Variants in KIRREL3 observed in about 807,000 individuals in gnomAD.
The protein encoded by KIRREL3 is kin of IRRE-like protein 3.
In KIRREL3, 36 loss-of-function variants were observed where a neutral mutation model predicts 89.7. The observed-to-expected ratio is 0.40, with a 90% confidence interval of 0.31 to 0.53. The LOEUF (loss-of-function observed/expected upper bound fraction) is 0.53, where lower values mean the gene tolerates loss of function less well. KIRREL3 is among the 20% of genes least tolerant of loss of function. KIRREL3 has a pLI of 0.49. For missense variants in KIRREL3, 864 were observed against 1,056.6 expected, an observed-to-expected ratio of 0.82 and a Z score of 2.53; for synonymous variants, 445 against 441.4, an observed-to-expected ratio of 1.01 and a Z score of -0.10.
intron 1 of KIRREL3, among the ~76,000 whole-genome samples, chr11:126,657,928 A>G (rs1945229120): frequency 6.6e-6 from 1 of 152,210 alleles, no homozygotes; most frequent in African/African-American, 2.4e-5. Context: ...AGCCCAGCAG[A>G]GCGCAATTCA....
At chr11:126,810,672 C>G (rs1951353726) in intron 1 of KIRREL3, among the ~76,000 whole-genome samples, 1 of 152,122 alleles carries the variant, frequency 6.6e-6, no homozygotes, top group South Asian at 2.1e-4. Flanking sequence ...AGCCAGAGGT[C>G]TTTACATTGA....
rs1007751339 is a variant in KIRREL3, at chr11:126,877,214, G to A, written c.55+123241C>T. 4.6e-5 allele frequency among the ~76,000 whole-genome samples: 7 copies of A among 152,206 alleles called. No homozygotes were observed. The highest frequency in any genetic ancestry group is 4.8e-5 in the African/African-American group (2 of 41,446). Reference sequence around the variant, plus strand: ...CCTCTTAGTTGACAGCCAGTGGCACGAATCCACTGGTGAGAAGAGTTCTCT... The same window carrying A: ...CCTCTTAGTTGACAGCCAGTGGCACAAATCCACTGGTGAGAAGAGTTCTCT... On this transcript the variant is annotated intron_variant, in intron 1 of 16. Transcript: ENST00000525144. The surrounding 1 kb of genome is among the most constrained non-coding windows in gnomAD (Gnocchi z 4.9).
chr11:126,656,189 G>A lies in KIRREL3; in HGVS notation c.56-93277C>T, dbSNP rs1378300908. ...GTTTGCAGGTGAGTGAGGTCAGGGA[G>A]GGCTACAGAGTTAGGACTCCGAAGT... On this transcript the variant is annotated intron_variant, in intron 1 of 16. Coordinates refer to ENST00000525144, the MANE Select transcript of KIRREL3 (RefSeq NM_032531.4). The surrounding 1 kb of genome is among the most constrained non-coding windows in gnomAD (Gnocchi z 4.0). The A allele has an allele frequency of 2.2e-6, 1 of 456,134 alleles. No individual in the cohort carries two copies. The highest frequency in any genetic ancestry group is 7.0e-5 in the East Asian group (1 of 14,386). 28.3% of individuals were successfully genotyped at this position (456,134 alleles called of 1,614,324 possible).
At chr11:126,971,672 A>T (rs1375237001) in intron 1 of KIRREL3, among the ~76,000 whole-genome samples, 1 of 152,216 alleles carries the variant, frequency 6.6e-6, no homozygotes, top group African/African-American at 2.4e-5. Flanking sequence ...AGATATTATT[A>T]GGGAAGGAAC....
In KIRREL3 at chr11:126,752,212, G is replaced by T. The variant is rs991542387; in HGVS notation, c.56-189300C>A. On this transcript the variant is annotated intron_variant, in intron 1 of 16. Transcript: ENST00000525144. The surrounding 1 kb of genome is among the most constrained non-coding windows in gnomAD (Gnocchi z 4.8). ...CAGGCTCAGCGTGGGTTGGTTGGGG[G>T]GGTTTCTTGAAGCATTGTAGCTCCC... 6.6e-6 allele frequency among the ~76,000 whole-genome samples: 1 copy of T among 152,114 alleles called. No individual in the cohort carries two copies.
intron 2 of KIRREL3, among the ~76,000 whole-genome samples, chr11:126,533,802 T>A (rs1042569143): frequency 6.6e-6 from 1 of 152,182 alleles, no homozygotes; most frequent in Admixed American, 6.5e-5. Context: ...GGGACAATAA[T>A]ACCACCACCT....
chr11:126,709,835 G>T lies in KIRREL3; in HGVS notation c.56-146923C>A, dbSNP rs1947687330. 6.6e-6 allele frequency among the ~76,000 whole-genome samples: 1 copy of T among 152,196 alleles called. No individual in the cohort carries two copies. The highest frequency in any genetic ancestry group is 6.5e-5 in the Admixed American group (1 of 15,282). On this transcript the variant is annotated intron_variant, in intron 1 of 16. Transcript: ENST00000525144. This position sits in a 1 kb window ranked among gnomAD's most constrained non-coding sequence, Gnocchi z 4.0. Reference sequence around the variant, plus strand: ...GCAGCCCAGGGAAACTAATACAGGAGGCCGGGCAGGCATTGTCCAAGGGAG... The same window carrying T: ...GCAGCCCAGGGAAACTAATACAGGATGCCGGGCAGGCATTGTCCAAGGGAG...
At chr11:126,458,850 C>T (rs570463220) in intron 6 of KIRREL3, among the ~76,000 whole-genome samples, 6 of 152,228 alleles carry the variant, frequency 3.9e-5, no homozygotes, top group Non-Finnish European at 8.8e-5. Flanking sequence ...CGAGAACGCT[C>T]CTCCCACCCC....
Position 126,424,706 on chromosome 11 carries a change from C to T in KIRREL3, c.2211G>A (p.Gln737=). Residue 737 remains glutamine, a synonymous_variant, in exon 17 of 17, where the codon CAG becomes CAA. Transcript: ENST00000525144. ...CDSSVSSSGK[Q]DGYVQFDKAS... ...CCTTGTCGAACTGCACATAGCCATC[C>T]TGCTTGCCGCTGCTGCTGACGCTGC... 1 of 1,614,056 alleles carries T rather than the reference C, an allele frequency of 6.2e-7. No individual in the cohort carries two copies. Among genetic ancestry groups the T allele is most frequent in the Non-Finnish European group, 8.5e-7 (1 of 1,179,900 alleles).
chr11:126,465,617 G>A (rs1204089367), intron 5 of KIRREL3, among the ~76,000 whole-genome samples: 1 of 152,218 alleles, frequency 6.6e-6, no homozygotes, highest in Admixed American at 6.5e-5. Flanking sequence ...CTTGCTGGAG[G>A]CAAAGCCGGA....
chr11:126,752,429 G>A lies in KIRREL3; in HGVS notation c.56-189517C>T, dbSNP rs895509306. ...GCTAACTGGATGATGAGTTAATTAT[G>A]TAGCTATGGAATTAACATTATCATT... is the stretch of plus-strand genomic sequence containing the variant. On this transcript the variant is annotated intron_variant, in intron 1 of 16. Transcript: ENST00000525144. The surrounding 1 kb of genome is among the most constrained non-coding windows in gnomAD (Gnocchi z 4.8). 1.5e-4 allele frequency among the ~76,000 whole-genome samples: 23 copies of A among 152,228 alleles called. No individual in the cohort carries two copies. The highest frequency in any genetic ancestry group is 4.6e-4 in the African/African-American group (19 of 41,524).
intron 8 of KIRREL3, among the ~76,000 whole-genome samples, chr11:126,447,540 C>T (rs1955866656): frequency 6.6e-6 from 1 of 152,218 alleles, no homozygotes; most frequent in Non-Finnish European, 1.5e-5. Context: ...GTGTCACGCC[C>T]ATTGCAGTGG....
rs371315414 is a variant in KIRREL3, at chr11:126,521,480, G to T, written c.284-16C>A. Reference sequence around the variant, plus strand: ...TGTGGGTAACCTGTGGAGACAACAGGCAGGTCAGGGAGCTGGGGTGGGGTG... The same window carrying T: ...TGTGGGTAACCTGTGGAGACAACAGTCAGGTCAGGGAGCTGGGGTGGGGTG... On this transcript the variant is annotated splice_polypyrimidine_tract_variant and intron_variant, in intron 3 of 16. Coordinates refer to ENST00000525144, the MANE Select transcript of KIRREL3 (RefSeq NM_032531.4). The surrounding 1 kb of genome is among the most constrained non-coding windows in gnomAD (Gnocchi z 4.1). The T allele has an allele frequency of 2.5e-6, 4 of 1,575,340 alleles. No individual in the cohort carries two copies. The highest frequency in any genetic ancestry group is 2.3e-5 in the South Asian group (2 of 85,710).
intron 1 of KIRREL3, among the ~76,000 whole-genome samples, chr11:126,967,815 G>A (rs976726027): frequency 1.3e-5 from 2 of 152,120 alleles, no homozygotes; most frequent in Admixed American, 1.3e-4. Context: ...TCGCAGCTGG[G>A]GAGGGGGCTT....
rs1824757110 is a variant in KIRREL3 at position 126,892,310 on chromosome 11, AC to A, written c.55+108144del. On this transcript the variant is annotated intron_variant, in intron 1 of 16. Transcript: ENST00000525144. The surrounding 1 kb of genome is among the most constrained non-coding windows in gnomAD (Gnocchi z 5.4). ...AGCAGAAGCTGAGGGACTCCAGGGG[AC>A]CCCAGCCCTCCTCAGGACCCACCGT... is the stretch of plus-strand genomic sequence containing the variant. Among the ~76,000 whole-genome samples the A allele has an allele frequency of 6.6e-6, 1 of 151,640 alleles. No homozygotes were observed. The highest frequency in any genetic ancestry group is 2.1e-4 in the South Asian group (1 of 4,782).
rs1466194357 is a variant in KIRREL3 at position 126,898,511 on chromosome 11, T to G, written c.55+101944A>C. Among the ~76,000 whole-genome samples the G allele has an allele frequency of 6.6e-6, 1 of 152,184 alleles. No individual in the cohort carries two copies. The highest frequency in any genetic ancestry group is 6.5e-5 in the Admixed American group (1 of 15,280). On this transcript the variant is annotated intron_variant, in intron 1 of 16. Coordinates refer to ENST00000525144, the MANE Select transcript of KIRREL3 (RefSeq NM_032531.4). This position sits in a 1 kb window ranked among gnomAD's most constrained non-coding sequence, Gnocchi z 4.9. Reference sequence around the variant, plus strand: ...TAATGAAATTTTGTGAATGCAGCAATTAGAAACAATGAAGTGGGCAGATAC... The same window carrying G: ...TAATGAAATTTTGTGAATGCAGCAAGTAGAAACAATGAAGTGGGCAGATAC...
At chr11:126,433,110 C>A (rs1003511891) in intron 13 of KIRREL3, among the ~76,000 whole-genome samples, 45 of 152,272 alleles carry the variant, frequency 3.0e-4, no homozygotes, top group Middle Eastern at 3.4e-3. Flanking sequence ...AACTCCTGAC[C>A]TCAGGTGATC....
chr11:126,439,351 A>G (rs186958193), intron 11 of KIRREL3, among the ~76,000 whole-genome samples: 1 of 151,924 alleles, frequency 6.6e-6, no homozygotes, highest in Admixed American at 6.5e-5. Context: ...AGGGAAAAAA[A>G]GACTCTGCCC....
chr11:126,506,106 A>G (rs902989376), intron 4 of KIRREL3, among the ~76,000 whole-genome samples: 12 of 152,224 alleles, frequency 7.9e-5, no homozygotes, highest in African/African-American at 2.9e-4. Context: ...CAAATCACTA[A>G]AACTTAAAAT....
Sources: allele counts gnomAD v4.1 joint callset (sites outside exome capture counted in the v4.1 genomes callset), GRCh38; gene constraint gnomAD v4.1.1; non-coding constraint Gnocchi (gnomAD v3.1); transcripts MANE v1.5; gene names NCBI Gene and HGNC (gene_info 2026-07-23, HGNC 2026-07-21).